KIRREL3: variants seen among roughly 807,000 people sequenced by gnomAD.
KIRREL3 encodes kirre like nephrin family adhesion molecule 3.
KIRREL3 carries 36 observed loss-of-function variants against 89.7 expected under a neutral mutation model. The ratio of observed to expected loss-of-function variants is 0.40; its 90% CI spans 0.31 to 0.53. The LOEUF (loss-of-function observed/expected upper bound fraction) is 0.53, where lower values mean the gene tolerates loss of function less well. Ranked by LOEUF, KIRREL3 falls within the 20% of genes least tolerant of loss-of-function variation. The pLI is 0.49. For synonymous variants in KIRREL3, 445 were observed against 441.4 expected (o/e 1.01, Z -0.10); for missense variants, 864 against 1,056.6 (o/e 0.82, Z 2.53).
intron 1 of KIRREL3, among the ~76,000 whole-genome samples, chr11:126,713,602 G>A (rs140742888): frequency 2.0e-5 from 3 of 152,324 alleles, no homozygotes; most frequent in African/African-American, 7.2e-5. Flanking sequence ...GGAAGTAGAC[G>A]CAACAGGCTC....
At chr11:126,536,061 A>G (rs664588) in intron 2 of KIRREL3, among the ~76,000 whole-genome samples, 81,531 of 139,598 alleles carry the variant, frequency 0.58, 24,114 homozygotes, top group East Asian at 0.93. Flanking sequence ...GCAGTGAGCC[A>G]AGATCGCACC....
rs1434533874 is a variant in KIRREL3 at position 126,579,332 on chromosome 11, C to T, written c.56-16420G>A. Among the ~76,000 whole-genome samples, 2 of 152,178 alleles carry T rather than the reference C, an allele frequency of 1.3e-5. No individual in the cohort carries two copies. The highest frequency in any genetic ancestry group is 2.9e-5 in the Non-Finnish European group (2 of 68,036). ...GGCCAAGGGGTGCAAGCTGCTCTGT[C>T]AGTTATGACTTCCTCGGGTACCTGA... On this transcript the variant is annotated intron_variant, in intron 1 of 16. Coordinates refer to ENST00000525144, the MANE Select transcript of KIRREL3 (RefSeq NM_032531.4). This position sits in a 1 kb window ranked among gnomAD's most constrained non-coding sequence, Gnocchi z 5.3.
Position 126,954,736 on chromosome 11 carries a change from C to T in KIRREL3, c.55+45719G>A, listed in dbSNP as rs940561948. Among the ~76,000 whole-genome samples, 2 of 152,158 alleles carry T rather than the reference C, an allele frequency of 1.3e-5. No individual in the cohort carries two copies. Among genetic ancestry groups the T allele is most frequent in the Non-Finnish European group, 2.9e-5 (2 of 68,024 alleles). On this transcript the variant is annotated intron_variant, in intron 1 of 16. Coordinates refer to ENST00000525144, the MANE Select transcript of KIRREL3 (RefSeq NM_032531.4). The surrounding 1 kb of genome is among the most constrained non-coding windows in gnomAD (Gnocchi z 4.1). ...ACAGTAGTCATATATTGAGTTCCTA[C>T]CGTGGTAGGCTTCATCCCTGTAGAT...
intron 1 of KIRREL3, among the ~76,000 whole-genome samples, chr11:126,914,885 A>G (rs1475504962): frequency 6.6e-6 from 1 of 152,226 alleles, no homozygotes; most frequent in Non-Finnish European, 1.5e-5. Context: ...AAGTAGCACA[A>G]GATTAGACAA....
rs1957295550 is a variant in KIRREL3 at position 126,484,352 on chromosome 11, A to G, written c.434-10886T>C. Reference sequence around the variant, plus strand: ...AAAAAACAGCACCAATAATATGAATAATAGCTAACATTGATATAGGGCTTA... The same window carrying G: ...AAAAAACAGCACCAATAATATGAATGATAGCTAACATTGATATAGGGCTTA... On this transcript the variant is annotated intron_variant, in intron 4 of 16. Coordinates refer to ENST00000525144, the MANE Select transcript of KIRREL3 (RefSeq NM_032531.4). This position sits in a 1 kb window ranked among gnomAD's most constrained non-coding sequence, Gnocchi z 5.2. Among the ~76,000 whole-genome samples, 1 of 152,184 alleles carries G rather than the reference A, an allele frequency of 6.6e-6. No individual in the cohort carries two copies. Among genetic ancestry groups the G allele is most frequent in the African/African-American group, 2.4e-5 (1 of 41,436 alleles).
At chr11:126,727,030 C>T (rs1948414969) in intron 1 of KIRREL3, among the ~76,000 whole-genome samples, 1 of 152,236 alleles carries the variant, frequency 6.6e-6, no homozygotes, top group Admixed American at 6.5e-5. Context: ...AGCCTACCTT[C>T]ACTCATCTAG....
At position 126,686,863 on chromosome 11, in the gene KIRREL3, G is replaced by A. The variant is rs191479691; in HGVS notation, c.56-123951C>T. On this transcript the variant is annotated intron_variant, in intron 1 of 16. Coordinates refer to ENST00000525144, the MANE Select transcript of KIRREL3 (RefSeq NM_032531.4). The surrounding 1 kb of genome is among the most constrained non-coding windows in gnomAD (Gnocchi z 4.7). ...CAAAGTGCCAGGATTACAGGTGTGA[G>A]CCACCATGCCTGGATCCTACACTGA... Among the ~76,000 whole-genome samples the A allele has an allele frequency of 3.3e-5, 5 of 152,336 alleles. No individual in the cohort carries two copies. The highest frequency in any genetic ancestry group is 2.6e-4 in the Admixed American group (4 of 15,304).
At chr11:126,638,266 T>C (rs1291059141) in intron 1 of KIRREL3, among the ~76,000 whole-genome samples, 1 of 152,230 alleles carries the variant, frequency 6.6e-6, no homozygotes, top group Non-Finnish European at 1.5e-5. Context: ...GAGATAGGAA[T>C]AGAAACACCT....
At position 126,776,332 on chromosome 11, in the gene KIRREL3, C is replaced by T. The variant is rs1835308348; in HGVS notation, c.56-213420G>A. 6.6e-6 allele frequency among the ~76,000 whole-genome samples: 1 copy of T among 152,286 alleles called. No individual in the cohort carries two copies. Among genetic ancestry groups the T allele is most frequent in the East Asian group, 1.9e-4 (1 of 5,178 alleles). ...GAAGTGCCATGGAGGGAACACTAGC[C>T]TGAGAGTCAAAACACCTGGGCTTCA... On this transcript the variant is annotated intron_variant, in intron 1 of 16. Coordinates refer to ENST00000525144, the MANE Select transcript of KIRREL3 (RefSeq NM_032531.4). This position sits in a 1 kb window ranked among gnomAD's most constrained non-coding sequence, Gnocchi z 4.7.
Position 126,708,735 on chromosome 11 carries a change from T to C in KIRREL3, c.56-145823A>G, listed in dbSNP as rs185523824. Among the ~76,000 whole-genome samples, 5 of 152,246 alleles carry C rather than the reference T, an allele frequency of 3.3e-5. No individual in the cohort carries two copies. Among genetic ancestry groups the C allele is most frequent in the African/African-American group, 9.6e-5 (4 of 41,532 alleles). ...GGGGCCTCCAGGGCCCTCCCGCACA[T>C]TCAGCATGATCTCTGAGGAGTTCAC... On this transcript the variant is annotated intron_variant, in intron 1 of 16. Coordinates refer to ENST00000525144, the MANE Select transcript of KIRREL3 (RefSeq NM_032531.4). The surrounding 1 kb of genome is among the most constrained non-coding windows in gnomAD (Gnocchi z 5.7).
At chr11:126,510,348 A>T (rs1373263589) in intron 4 of KIRREL3, among the ~76,000 whole-genome samples, 2 of 152,164 alleles carry the variant, frequency 1.3e-5, no homozygotes, top group Non-Finnish European at 2.9e-5. Context: ...ACTCCCAGAG[A>T]CAGGAAGCTT....
rs141243226 is a variant in KIRREL3, at chr11:126,475,349, C to G, written c.434-1883G>C. ...CGTCAGCCCTTCTCCTAGTCCACTCCGGCTTCTGTGAAAGCTCCAGGAGGG... is the reference window on the plus strand; with the variant it reads ...CGTCAGCCCTTCTCCTAGTCCACTCGGGCTTCTGTGAAAGCTCCAGGAGGG... On this transcript the variant is annotated intron_variant, in intron 4 of 16. Transcript: ENST00000525144. This position sits in a 1 kb window ranked among gnomAD's most constrained non-coding sequence, Gnocchi z 7.5. Among the ~76,000 whole-genome samples, 1 of 152,196 alleles carries G rather than the reference C, an allele frequency of 6.6e-6. No homozygotes were observed. The highest frequency in any genetic ancestry group is 1.5e-5 in the Non-Finnish European group (1 of 68,032).
rs7938935 is a variant in KIRREL3 at position 126,808,751 on chromosome 11, A to G, written c.55+191704T>C. On this transcript the variant is annotated intron_variant, in intron 1 of 16. Coordinates refer to ENST00000525144, the MANE Select transcript of KIRREL3 (RefSeq NM_032531.4). This position sits in a 1 kb window ranked among gnomAD's most constrained non-coding sequence, Gnocchi z 4.1. ...TCCAATTTCCACATGCATATATAGA[A>G]TGAATTGTTGAGACGGAGAATATAT... Among the ~76,000 whole-genome samples the G allele has an allele frequency of 0.26, 40,256 of 152,076 alleles. 5,823 individuals are homozygous for G. The highest frequency in any genetic ancestry group is 0.33 in the Non-Finnish European group (22,743 of 67,960).
chr11:126,473,519 C>T (rs78354431), intron 4 of KIRREL3, 53 bp from the exon 5 acceptor site: 18,413 of 1,457,084 alleles, frequency 0.013, 152 homozygotes, highest in Middle Eastern at 0.026. Flanking sequence ...TCGGGCAGGA[C>T]GGCAGGCAGG....
chr11:127,000,900 G>A (rs117438584), upstream of KIRREL3: 15,084 of 393,580 alleles, frequency 0.038, 329 homozygotes, highest in Non-Finnish European at 0.05. The surrounding 1 kb of genome is among the most constrained non-coding windows in gnomAD (Gnocchi z 7.1). Context: ...AGGGGAGACA[G>A]GTCATAATTA....
chr11:126,444,736 G>T (rs2134189197), intron 10 of KIRREL3, among the ~76,000 whole-genome samples: 1 of 152,290 alleles, frequency 6.6e-6, no homozygotes, highest in African/African-American at 2.4e-5. Flanking sequence ...TCTCAGGGCT[G>T]AGACCCCTTC....
Position 126,898,413 on chromosome 11 carries a change from G to A in KIRREL3, c.55+102042C>T, listed in dbSNP as rs1946249150. Among the ~76,000 whole-genome samples the A allele has an allele frequency of 6.6e-6, 1 of 152,176 alleles. No individual in the cohort carries two copies. The highest frequency in any genetic ancestry group is 1.5e-5 in the Non-Finnish European group (1 of 68,040). On this transcript the variant is annotated intron_variant, in intron 1 of 16. Transcript: ENST00000525144. This position sits in a 1 kb window ranked among gnomAD's most constrained non-coding sequence, Gnocchi z 4.9. ...TAAGGCACATAAGTAAGTATTGTGT[G>A]GTGGTATGAATGCTGGATTCTCACA... is the stretch of plus-strand genomic sequence containing the variant.
Position 126,763,618 on chromosome 11 carries a change from G to T in KIRREL3, c.56-200706C>A, listed in dbSNP as rs1949730520. ...CCCAGCGAGAGTAGGTGGTAGGTAG[G>T]CAATGGCCAGTGGGGCCAGCGCGGG... is the stretch of plus-strand genomic sequence containing the variant. On this transcript the variant is annotated intron_variant, in intron 1 of 16. Transcript: ENST00000525144. The surrounding 1 kb of genome is among the most constrained non-coding windows in gnomAD (Gnocchi z 4.7). Among the ~76,000 whole-genome samples the T allele has an allele frequency of 6.6e-6, 1 of 152,198 alleles. No homozygotes were observed. Among genetic ancestry groups the T allele is most frequent in the South Asian group, 2.1e-4 (1 of 4,828 alleles).
rs12273056 is a variant in KIRREL3 at position 126,537,687 on chromosome 11, C to G, written c.134-11000G>C. Among the ~76,000 whole-genome samples the G allele has an allele frequency of 0.057, 8,626 of 152,202 alleles. 733 individuals carry two copies. The highest frequency in any genetic ancestry group is 0.19 in the African/African-American group (7,760 of 41,498). ...GTGTGATCTGAGGCCAGTGACTCAC[C>G]CTTTCTGAGCTTCAGTTTCCCTATC... is the stretch of plus-strand genomic sequence containing the variant. On this transcript the variant is annotated intron_variant, in intron 2 of 16. Coordinates refer to ENST00000525144, the MANE Select transcript of KIRREL3 (RefSeq NM_032531.4). This position sits in a 1 kb window ranked among gnomAD's most constrained non-coding sequence, Gnocchi z 4.3.
Sources: allele counts gnomAD v4.1 joint callset (sites outside exome capture counted in the v4.1 genomes callset), GRCh38; gene constraint gnomAD v4.1.1; non-coding constraint Gnocchi (gnomAD v3.1); transcripts MANE v1.5; gene names NCBI Gene and HGNC (gene_info 2026-07-23, HGNC 2026-07-21).